Variants in TNS3 observed in about 807,000 individuals in gnomAD.
The protein encoded by TNS3 is tensin-3.
TNS3 carries 45 observed loss-of-function variants against 140.9 expected under a neutral mutation model. The ratio of observed to expected loss-of-function variants is 0.32; its 90% CI spans 0.25 to 0.41. The LOEUF is 0.41. Ranked by LOEUF, TNS3 falls within the 10% of genes least tolerant of loss-of-function variation. TNS3 has a pLI of 1.00. For synonymous variants in TNS3, 815 were observed against 788.4 expected (o/e 1.03, Z -0.56); for missense variants, 1,716 against 1,906.7 (o/e 0.90, Z 1.86).
rs1338039711 is a variant in TNS3 at position 47,394,201 on chromosome 7, T to C, written c.1024+2599A>G. On this transcript the variant is annotated intron_variant, in intron 16 of 30. Coordinates refer to ENST00000311160, the MANE Select transcript of TNS3 (RefSeq NM_022748.12). ...TGAGTATCTGCTATGGACTGAATATTTGTGTCCCCTAAGATTCATATGTCA... is the reference window on the plus strand; with the variant it reads ...TGAGTATCTGCTATGGACTGAATATCTGTGTCCCCTAAGATTCATATGTCA... Among the ~76,000 whole-genome samples, 3 of 152,228 alleles carry C rather than the reference T, an allele frequency of 2.0e-5. No homozygotes were observed. The East Asian group carries it at 5.8e-4, about 29-fold the overall frequency.
At chr7:47,343,804 T>C (rs1789157680) in intron 20 of TNS3, among the ~76,000 whole-genome samples, 1 of 152,254 alleles carries the variant, frequency 6.6e-6, no homozygotes, top group African/African-American at 2.4e-5. Flanking sequence ...ATAACTGCTA[T>C]ATGCTACATA....
chr7:47,524,066 C>T (rs1164972042), intron 2 of TNS3, among the ~76,000 whole-genome samples: 1 of 152,232 alleles, frequency 6.6e-6, no homozygotes, highest in Non-Finnish European at 1.5e-5. Context: ...AAGCTCAGGG[C>T]AACTCTTTGG....
intron 23 of TNS3, among the ~76,000 whole-genome samples, chr7:47,300,233 C>A (rs1396993199): frequency 6.6e-6 from 1 of 152,150 alleles, no homozygotes; most frequent in African/African-American, 2.4e-5. Context: ...GAGACTCTGA[C>A]ACGGGCAGTA....
At chr7:47,283,266 G>A (rs943846356) in intron 28 of TNS3, among the ~76,000 whole-genome samples, 1 of 152,150 alleles carries the variant, frequency 6.6e-6, no homozygotes, top group African/African-American at 2.4e-5. Flanking sequence ...TTTGAAATTG[G>A]CCAACGGAAA....
At chr7:47,471,078 A>G (rs1339692720) in intron 4 of TNS3, among the ~76,000 whole-genome samples, 1 of 152,032 alleles carries the variant, frequency 6.6e-6, no homozygotes, top group Non-Finnish European at 1.5e-5. Context: ...AAGCCTCCTC[A>G]CTGGGGCGCA....
At chr7:47,461,806 T>C (rs937977803) in intron 4 of TNS3, among the ~76,000 whole-genome samples, 10 of 152,248 alleles carry the variant, frequency 6.6e-5, no homozygotes, top group Non-Finnish European at 1.5e-4. Context: ...CTGAAGTTTT[T>C]GAGAGCCTTG....
intron 16 of TNS3, among the ~76,000 whole-genome samples, chr7:47,394,577 G>A (rs1792717297): frequency 6.6e-6 from 1 of 152,242 alleles, no homozygotes; most frequent in Non-Finnish European, 1.5e-5. Flanking sequence ...GCATCTTCAG[G>A]AGACACTGCG....
chr7:47,369,327 G>A lies in TNS3; in HGVS notation c.1319C>T (p.Ser440Phe), dbSNP rs1311738736. 5.0e-6 allele frequency: 8 copies of A among 1,614,038 alleles called. No homozygotes were observed. The highest frequency in any genetic ancestry group is 4.2e-6 in the Non-Finnish European group (5 of 1,180,050). Residue 440 changes from serine (S) to phenylalanine (F), a missense_variant, in exon 17 of 31, where the codon TCC (serine) becomes TTC (phenylalanine). Ser to Phe is a radical substitution (Grantham distance 155). This residue lies in a region of TNS3 where 1,163 missense variants were observed against 1,182.1 expected (regional missense o/e 0.98). Coordinates refer to ENST00000311160, the MANE Select transcript of TNS3 (RefSeq NM_022748.12). ...TCGAGCATCAGTCATTTCCTTGAGG[G>A]AGCTTCCAGGATCTTCCAGGCCAAA... is the stretch of plus-strand genomic sequence containing the variant. Reference protein sequence around the residue: ...SGFGLEDPGSSLKEMTDARSK... With the variant: ...SGFGLEDPGSFLKEMTDARSK...
rs1019382774 is a variant in TNS3 at position 47,472,710 on chromosome 7, C to A, written c.-76+8393G>T. Among the ~76,000 whole-genome samples, 4 of 152,206 alleles carry A rather than the reference C, an allele frequency of 2.6e-5. No individual in the cohort carries two copies. In the East Asian group the frequency reaches 7.7e-4, roughly 29 times the overall value. On this transcript the variant is annotated intron_variant, in intron 4 of 30. Coordinates refer to ENST00000311160, the MANE Select transcript of TNS3 (RefSeq NM_022748.12). ...CCCAGCCCACATCTCAGCACATCTT[C>A]AGCCTGTCCTACTCCCTCCCACAGA...
rs1044279944 is a variant in TNS3, at chr7:47,542,849, G to A, written c.-264-13702C>T. The stretch of plus-strand genomic sequence containing the variant: ...GGAGGCTGAGGCAGGAGAATCATGT[G>A]AATCCAGGAGGCAGAGGTTGCAGTG... On this transcript the variant is annotated intron_variant, in intron 1 of 30. Transcript: ENST00000311160. Among the ~76,000 whole-genome samples, 5 of 148,400 alleles carry A rather than the reference G, an allele frequency of 3.4e-5. 1 individual carries two copies. The highest frequency in any genetic ancestry group is 1.2e-4 in the African/African-American group (5 of 40,402).
chr7:47,461,433 T>C (rs531781227), intron 4 of TNS3, among the ~76,000 whole-genome samples: 4 of 152,232 alleles, frequency 2.6e-5, no homozygotes, highest in East Asian at 1.9e-4. Flanking sequence ...CACTAGAGAA[T>C]TGGCTGTCCC....
chr7:47,518,424 G>A (rs1798852264), intron 2 of TNS3, among the ~76,000 whole-genome samples: 2 of 152,096 alleles, frequency 1.3e-5, no homozygotes, highest in Admixed American at 1.3e-4. Context: ...CAAGAACACT[G>A]CAACACACTT....
rs922959260 is a variant in TNS3 at position 47,437,318 on chromosome 7, A to G, written c.151-5T>C. On this transcript the variant is annotated splice_polypyrimidine_tract_variant and splice_region_variant and intron_variant, in intron 6 of 30. Transcript: ENST00000311160. ...CTTTTCTGAAAGGTTTAATACCTAT[A>G]AAAGAGAGGAAAAATTGCCTTGCAT... 7.3e-7 allele frequency: 1 copy of G among 1,366,978 alleles called. No homozygotes were observed. The highest frequency in any genetic ancestry group is 9.5e-7 in the Non-Finnish European group (1 of 1,048,112). The allele number at this position is 1,366,978 out of a possible 1,614,324, so 84.7% of individuals were successfully genotyped here. A position where few individuals can be genotyped will look rare whatever the true frequency, so the allele number is the denominator to read the frequency against.
chr7:47,437,957 G>A (rs1000176019), intron 6 of TNS3, among the ~76,000 whole-genome samples: 9 of 150,994 alleles, frequency 6.0e-5, no homozygotes, highest in Non-Finnish European at 8.8e-5. Context: ...GTTCATGCCC[G>A]GCCAAAAGCC....
chr7:47,415,353 GT>G (rs2151430654), intron 10 of TNS3, 147 bp from the exon 11 acceptor site: 1 of 591,430 alleles, frequency 1.7e-6, no homozygotes, highest in South Asian at 2.1e-5. Flanking sequence ...TCTCAGCATG[GT>G]GCTGCGCTTA....
chr7:47,541,255 G>A (rs1260205488), intron 1 of TNS3, among the ~76,000 whole-genome samples: 2 of 152,188 alleles, frequency 1.3e-5, no homozygotes, highest in Non-Finnish European at 2.9e-5. Flanking sequence ...CCTGTGTTGG[G>A]AGACAGGAAT....
intron 20 of TNS3, among the ~76,000 whole-genome samples, chr7:47,340,079 G>C (rs1391403129): frequency 8.9e-6 from 1 of 112,576 alleles, no homozygotes; most frequent in Non-Finnish European, 1.8e-5. Context: ...GAATATATGT[G>C]TGTGTGCATA....
At chr7:47,292,629 G>A (rs1319739738) in intron 26 of TNS3, among the ~76,000 whole-genome samples, 199 bp downstream of exon 26, 3 of 152,220 alleles carry the variant, frequency 2.0e-5, no homozygotes, top group Non-Finnish European at 4.4e-5. Context: ...CTATCTGGGA[G>A]CTGTCAGTGA....
intron 20 of TNS3, among the ~76,000 whole-genome samples, chr7:47,339,764 T>G (rs549134394): frequency 6.6e-6 from 1 of 152,166 alleles, no homozygotes; most frequent in Non-Finnish European, 1.5e-5. Context: ...TAAAACTGTC[T>G]GTCAATCTGG....
Sources: allele counts gnomAD v4.1 joint callset (sites outside exome capture counted in the v4.1 genomes callset), GRCh38; gene constraint gnomAD v4.1.1; regional missense constraint gnomAD v4.1.1; transcripts MANE v1.5; gene names NCBI Gene and HGNC (gene_info 2026-07-23, HGNC 2026-07-21).